RB1: variants seen among roughly 807,000 people sequenced by gnomAD.
RB1 encodes the protein retinoblastoma-associated protein.
Under a neutral mutation model 135.4 loss-of-function variants are expected in RB1, and 18 were observed. The observed-to-expected ratio is 0.13, with a 90% CI of 0.09 to 0.20. The LOEUF is 0.20. Among genes scored for constraint, RB1 ranks in the 10% least tolerant of loss-of-function variants. The probability of loss-of-function intolerance (pLI) is 1.00; values close to 1 mark genes in which losing one functional copy is unlikely to be tolerated. For synonymous variants in RB1, 365 were observed against 373.2 expected (o/e 0.98, Z 0.25); for missense variants, 868 against 1,110.0 (o/e 0.78, Z 3.10).
chr13:48,417,456 C>A (rs1308983583), intron 17 of RB1: 2 of 152,182 alleles, frequency 1.3e-5, no homozygotes, highest in Non-Finnish European at 2.9e-5. Context: ...GTAGATAAAT[C>A]CATGAAGATG....
intron 17 of RB1, among the ~76,000 whole-genome samples, chr13:48,389,095 G>A (rs894954324): frequency 6.6e-6 from 1 of 152,074 alleles, no homozygotes; most frequent in African/African-American, 2.4e-5. Flanking sequence ...GGGAGGCGGA[G>A]GTTGAGTGAG....
intron 2 of RB1, chr13:48,328,243 G>C: frequency 6.8e-7 from 1 of 1,462,948 alleles, no homozygotes; most frequent in South Asian, 1.1e-5. Context: ...GCTTCTGGAG[G>C]CCTTTCCTCT....
intron 17 of RB1, among the ~76,000 whole-genome samples, chr13:48,398,505 A>G (rs1388259177): frequency 2.0e-5 from 3 of 151,896 alleles, no homozygotes; most frequent in African/African-American, 7.3e-5. Context: ...ATAGTTTGAT[A>G]GAGTCCTGTA....
In RB1 at chr13:48,337,411, T is replaced by C. The variant is rs139120367; in HGVS notation, c.265-5188T>C. Among the ~76,000 whole-genome samples, 845 of 152,336 alleles carry C rather than the reference T, an allele frequency of 5.5e-3. 5 individuals carry two copies. The highest frequency in any genetic ancestry group is 0.01 in the Middle Eastern group (3 of 294). On this transcript the variant is annotated intron_variant, in intron 2 of 26. Transcript: ENST00000267163. ...AGGATAGTTAGTTCTTCTTGTTGAA[T>C]TGATCCCTTTACCATTATGTAATGG...
At chr13:48,330,478 A>G (rs1952323292) in intron 2 of RB1, among the ~76,000 whole-genome samples, 1 of 152,164 alleles carries the variant, frequency 6.6e-6, no homozygotes, top group Admixed American at 6.5e-5. Flanking sequence ...GAAAGAGGAG[A>G]CATTATGACT....
At chr13:48,347,786 C>T (rs201796447) in intron 4 of RB1, 39 bp from the exon 5 acceptor site, 71 of 1,450,072 alleles carry the variant, frequency 4.9e-5, no homozygotes, top group African/African-American at 2.4e-4. Context: ...TTCTAAATTA[C>T]GAAAAAATGT....
intron 5 of RB1, among the ~76,000 whole-genome samples, chr13:48,348,144 C>T (rs1952514658): frequency 6.6e-6 from 1 of 151,912 alleles, no homozygotes; most frequent in Non-Finnish European, 1.5e-5. Context: ...AATTCATTGA[C>T]TAAATCTTTA....
At chr13:48,454,242 C>G (rs1270348312) in intron 18 of RB1, among the ~76,000 whole-genome samples, 1 of 152,208 alleles carries the variant, frequency 6.6e-6, no homozygotes, top group Non-Finnish European at 1.5e-5. Context: ...AACTACATTG[C>G]CTTTCACAGA....
At chr13:48,307,698 A>C (rs34628526) in intron 2 of RB1, among the ~76,000 whole-genome samples, 11 of 46,868 alleles carry the variant, frequency 2.3e-4, no homozygotes, top group African/African-American at 4.7e-4. Flanking sequence ...CTACTAAAAT[A>C]CAAAAAAAAA....
chr13:48,309,474 C>T (rs190929446), intron 2 of RB1, among the ~76,000 whole-genome samples: 237 of 152,256 alleles, frequency 1.6e-3, no homozygotes, highest in African/African-American at 5.4e-3. Context: ...GAGAGGAATA[C>T]TGAAGTATCT....
At chr13:48,463,604 T>C (rs1024677690) in intron 20 of RB1, 127 bp from the exon 21 acceptor site, 1 of 673,804 alleles carries the variant, frequency 1.5e-6, no homozygotes. Flanking sequence ...CTGAGCTCAG[T>C]ATGGAAAGAA....
chr13:48,458,459 G>A (rs1019036986), intron 19 of RB1, among the ~76,000 whole-genome samples: 57 of 152,056 alleles, frequency 3.7e-4, no homozygotes, highest in Non-Finnish European at 1.0e-4. Context: ...AGCTTTACAG[G>A]CATATTGTCA....
chr13:48,307,153 G>A (rs1369879577), intron 1 of RB1, 127 bp from the exon 2 acceptor site: 1 of 698,646 alleles, frequency 1.4e-6, no homozygotes, highest in Non-Finnish European at 2.4e-6. Context: ...GATAAAATAA[G>A]ATCTTAAAGT....
rs1296970197 is a variant in RB1 at position 48,399,987 on chromosome 13, G to A, written c.1695+18544G>A. On this transcript the variant is annotated intron_variant, in intron 17 of 26. Transcript: ENST00000267163. ...ATTATACACATTACCCATTCTCTTT[G>A]TTCATTAATTGGCAAAAGGGACTAA... 5.9e-5 allele frequency among the ~76,000 whole-genome samples: 9 copies of A among 151,976 alleles called. No individual in the cohort carries two copies. In the East Asian group the frequency reaches 1.7e-3, roughly 29 times the overall value.
At chr13:48,334,127 T>C (rs1163755544) in intron 2 of RB1, among the ~76,000 whole-genome samples, 1 of 152,192 alleles carries the variant, frequency 6.6e-6, no homozygotes, top group African/African-American at 2.4e-5. Flanking sequence ...TTTCTGGAAA[T>C]AGAATCAACT....
At chr13:48,433,498 A>C (rs1949151140) in intron 17 of RB1, among the ~76,000 whole-genome samples, 1 of 152,136 alleles carries the variant, frequency 6.6e-6, no homozygotes, top group Admixed American at 6.6e-5. Context: ...ATGAATCTGT[A>C]AAAAATTTTT....
chr13:48,327,973 A>G (rs1178873547), intron 2 of RB1: 13 of 547,878 alleles, frequency 2.4e-5, no homozygotes, highest in Non-Finnish European at 9.7e-6. Context: ...AAAAGATGAA[A>G]AAGAAAAAAA....
chr13:48,396,808 A>C (rs1308351079), intron 17 of RB1, among the ~76,000 whole-genome samples: 2 of 152,214 alleles, frequency 1.3e-5, no homozygotes, highest in African/African-American at 4.8e-5. Context: ...CAGGAAAACA[A>C]ACAACCCTAT....
chr13:48,455,332 G>T lies in RB1; in HGVS notation c.1815-872G>T, dbSNP rs530430165. Among the ~76,000 whole-genome samples the T allele has an allele frequency of 1.2e-3, 178 of 152,284 alleles. 1 individual carries two copies. Among genetic ancestry groups the T allele is most frequent in the Middle Eastern group, 0.01 (3 of 294 alleles). ...TAGTTATATCCGGTAGGTAATTGGA[G>T]ATTTACACCTAGAACTTCAGAGACT... On this transcript the variant is annotated intron_variant, in intron 18 of 26. Coordinates refer to ENST00000267163, the MANE Select transcript of RB1 (RefSeq NM_000321.3).
Sources: allele counts gnomAD v4.1 joint callset (sites outside exome capture counted in the v4.1 genomes callset), GRCh38; gene constraint gnomAD v4.1.1; transcripts MANE v1.5; gene names NCBI Gene and HGNC (gene_info 2026-07-23, HGNC 2026-07-21).